ST6GAL1: variants seen among roughly 807,000 people sequenced by gnomAD.
The protein encoded by ST6GAL1 is ST6 beta-galactoside alpha-2,6-sialyltransferase 1.
In ST6GAL1, 20 loss-of-function variants were observed where a neutral mutation model predicts 38.0. That is an observed-to-expected ratio of 0.53 (90% CI 0.37 to 0.77). ST6GAL1 has a LOEUF of 0.77. ST6GAL1 is among the 30% of genes least tolerant of loss of function. The pLI, the probability that ST6GAL1 is intolerant of heterozygous loss-of-function variation, is 0.00. For synonymous variants in ST6GAL1, 196 were observed against 188.2 expected (o/e 1.04, Z -0.34); for missense variants, 432 against 496.4 (o/e 0.87, Z 1.23).
intron 2 of ST6GAL1, among the ~76,000 whole-genome samples, chr3:186,981,911 C>A (rs1250965284): frequency 6.6e-6 from 1 of 152,186 alleles, no homozygotes; most frequent in Non-Finnish European, 1.5e-5. Context: ...GAGTTAGAAT[C>A]CATAATAATA....
intron 2 of ST6GAL1, among the ~76,000 whole-genome samples, chr3:186,997,211 T>A (rs1379006371): frequency 6.6e-6 from 1 of 152,176 alleles, no homozygotes; most frequent in Admixed American, 6.5e-5. Context: ...CTGACCTCTA[T>A]AGTCCTTTGC....
At chr3:187,013,261 C>A (rs1717014120) in intron 2 of ST6GAL1, among the ~76,000 whole-genome samples, 1 of 152,196 alleles carries the variant, frequency 6.6e-6, no homozygotes, top group Non-Finnish European at 1.5e-5. Flanking sequence ...AACATTTCCT[C>A]TGCACAGTTT....
chr3:187,005,522 G>A (rs532425775), intron 2 of ST6GAL1, among the ~76,000 whole-genome samples: 35 of 152,054 alleles, frequency 2.3e-4, no homozygotes, highest in African/African-American at 6.0e-4. Flanking sequence ...TGATCTGCCC[G>A]CCTCGGCCTC....
At chr3:187,027,972 A>G (rs1169053345) in intron 2 of ST6GAL1, among the ~76,000 whole-genome samples, 1 of 152,220 alleles carries the variant, frequency 6.6e-6, no homozygotes, top group Admixed American at 6.5e-5. Flanking sequence ...GATGAGCTGA[A>G]TAAGATGAAG....
At chr3:186,982,616 T>A (rs1715730290) in intron 2 of ST6GAL1, among the ~76,000 whole-genome samples, 1 of 152,116 alleles carries the variant, frequency 6.6e-6, no homozygotes, top group Non-Finnish European at 1.5e-5. Flanking sequence ...TAAGTTTAAC[T>A]AGGATGGGTT....
intron 2 of ST6GAL1, among the ~76,000 whole-genome samples, chr3:186,999,876 C>T (rs550907637): frequency 6.4e-4 from 97 of 151,688 alleles, no homozygotes; most frequent in Non-Finnish European, 1.3e-3. Flanking sequence ...AGACAGAGTC[C>T]TCCTCTGTTG....
chr3:186,941,931 GA>G (rs1714191962), intron 1 of ST6GAL1, among the ~76,000 whole-genome samples: 1 of 151,584 alleles, frequency 6.6e-6, no homozygotes. Flanking sequence ...ACAATGGCGT[GA>G]ACCCAGGAGG....
At chr3:187,046,190 CTT>C (rs1405842099) in intron 4 of ST6GAL1, among the ~76,000 whole-genome samples, 22 of 152,198 alleles carry the variant, frequency 1.4e-4, no homozygotes, top group Non-Finnish European at 2.9e-4. Flanking sequence ...GAGAAAGGAC[CTT>C]ACCTGAGAGG....
At chr3:186,994,449 TTA>T (rs1390100791) in intron 2 of ST6GAL1, among the ~76,000 whole-genome samples, 2 of 152,200 alleles carry the variant, frequency 1.3e-5, no homozygotes, top group South Asian at 2.1e-4. Flanking sequence ...TGAGTGAATT[TTA>T]TATGAGTGTT....
At chr3:187,073,330 T>C (rs1349491133) in intron 6 of ST6GAL1, 3 of 180,776 alleles carry the variant, frequency 1.7e-5, no homozygotes, top group African/African-American at 7.1e-5. Flanking sequence ...ACTTCCAATA[T>C]CCAGAATTCT....
intron 3 of ST6GAL1, chr3:187,042,110 T>C (rs999597460): frequency 1.3e-5 from 2 of 152,764 alleles, no homozygotes; most frequent in Non-Finnish European, 2.9e-5. Context: ...GCATCATCTA[T>C]AACGAGAAGT....
intron 2 of ST6GAL1, among the ~76,000 whole-genome samples, chr3:186,989,626 T>C (rs1177100671): frequency 6.6e-6 from 1 of 152,284 alleles, no homozygotes; most frequent in Non-Finnish European, 1.5e-5. Context: ...GGCAGGCTAG[T>C]GGGAGCTGGC....
At chr3:186,936,812 G>C (rs1407845601) in intron 1 of ST6GAL1, among the ~76,000 whole-genome samples, 1 of 151,732 alleles carries the variant, frequency 6.6e-6, no homozygotes, top group Non-Finnish European at 1.5e-5. Context: ...ATGGTGGGCA[G>C]GTGCCTGTAA....
chr3:187,028,546 A>G (rs956600910), intron 2 of ST6GAL1, among the ~76,000 whole-genome samples: 1 of 152,140 alleles, frequency 6.6e-6, no homozygotes, highest in Non-Finnish European at 1.5e-5. Context: ...TTACTACTTC[A>G]CATGCATAGG....
intron 5 of ST6GAL1, among the ~76,000 whole-genome samples, chr3:187,053,679 C>T (rs1475304136): frequency 6.6e-6 from 1 of 152,164 alleles, no homozygotes; most frequent in African/African-American, 2.4e-5. Context: ...GGTACCAGTA[C>T]CATGCTGTTT....
At chr3:186,991,693 C>T (rs1466580552) in intron 2 of ST6GAL1, among the ~76,000 whole-genome samples, 6 of 152,096 alleles carry the variant, frequency 3.9e-5, no homozygotes, top group Admixed American at 6.5e-5. Context: ...GGTGATTCAC[C>T]GGCTGGCCTC....
At chr3:186,982,482 G>C (rs769671182) in intron 2 of ST6GAL1, among the ~76,000 whole-genome samples, 1 of 152,186 alleles carries the variant, frequency 6.6e-6, no homozygotes, top group African/African-American at 2.4e-5. Flanking sequence ...CAAAGATATT[G>C]AGGGCCAGGA....
At chr3:186,978,588 C>T (rs776844201) in intron 2 of ST6GAL1, among the ~76,000 whole-genome samples, 5 of 152,240 alleles carry the variant, frequency 3.3e-5, no homozygotes, top group African/African-American at 7.2e-5. Context: ...CCTTTATTCA[C>T]GGAAATGGCC....
chr3:187,008,258 T>TA (rs879841179), intron 2 of ST6GAL1, among the ~76,000 whole-genome samples: 4 of 148,122 alleles, frequency 2.7e-5, no homozygotes, highest in African/African-American at 5.0e-5. Context: ...AACCAAGGAT[T>TA]AAAAAACATT....
Sources: allele counts gnomAD v4.1 joint callset (sites outside exome capture counted in the v4.1 genomes callset), GRCh38; gene constraint gnomAD v4.1.1; transcripts MANE v1.5; gene names NCBI Gene and HGNC (gene_info 2026-07-23, HGNC 2026-07-21).